The following RET variants were observed in gnomAD, a reference collection of about 807,000 sequenced individuals.
The protein encoded by RET is proto-oncogene tyrosine-protein kinase receptor Ret.
Under a neutral mutation model 118.3 loss-of-function variants are expected in RET, and 19 were observed. The ratio of observed to expected loss-of-function variants is 0.16; its 90% CI spans 0.11 to 0.24. The LOEUF (loss-of-function observed/expected upper bound fraction) is 0.24, where lower values mean the gene tolerates loss of function less well. Ranked by LOEUF, RET falls within the 10% of genes least tolerant of loss-of-function variation. The probability of loss-of-function intolerance (pLI) is 1.00; values close to 1 mark genes in which losing one functional copy is unlikely to be tolerated. For missense variants in RET, 1,219 were observed against 1,502.1 expected (o/e 0.81, Z 3.12); for synonymous variants, 597 against 644.1 (o/e 0.93, Z 1.11).
chr10:43,087,347 G>A (rs1176487074), intron 1 of RET, among the ~76,000 whole-genome samples: 1 of 152,240 alleles, frequency 6.6e-6, no homozygotes, highest in Admixed American at 6.5e-5. Context: ...CATTTTGGAA[G>A]AACCAATTCT....
chr10:43,093,317 G>A (rs186038070), intron 1 of RET, among the ~76,000 whole-genome samples: 56 of 152,258 alleles, frequency 3.7e-4, no homozygotes, highest in African/African-American at 1.2e-3. Flanking sequence ...GGTGGCAGAG[G>A]GGACTTGGGA....
chr10:43,113,674 G>A lies in RET; in HGVS notation c.1878G>A (p.Gln626=), dbSNP rs147692872. The A allele has an allele frequency of 9.5e-5, 154 of 1,612,932 alleles. No individual in the cohort carries two copies. Among genetic ancestry groups the A allele is most frequent in the Non-Finnish European group, 1.3e-4 (151 of 1,179,856 alleles). Residue 626 remains glutamine (Q), a splice_region_variant and synonymous_variant, in exon 10 of 20, where the codon CAG becomes CAA. Coordinates refer to ENST00000355710, the MANE Select transcript of RET (RefSeq NM_020975.6). ...GCTTCTGCGAGCCCGAAGACATCCA[G>A]GGTGAGTGGGTGGCGGCCGGGACCA... ...EKCFCEPEDI[Q]DPLCDELCRT...
intron 1 of RET, among the ~76,000 whole-genome samples, chr10:43,091,115 T>G (rs1837401219): frequency 6.6e-6 from 1 of 151,994 alleles, no homozygotes; most frequent in African/African-American, 2.4e-5. Context: ...GGGATCCCCC[T>G]ATAAAAACCA....
intron 11 of RET, among the ~76,000 whole-genome samples, chr10:43,116,242 G>A (rs771093144): frequency 6.6e-6 from 1 of 152,190 alleles, no homozygotes; most frequent in Non-Finnish European, 1.5e-5. Flanking sequence ...AGTTGTCCTG[G>A]ACACTTCCAC....
intron 10 of RET, 146 bp downstream of exon 10, chr10:43,113,821 C>T (rs889841799): frequency 1.6e-6 from 2 of 1,235,956 alleles, no homozygotes; most frequent in South Asian, 1.4e-5. Flanking sequence ...GCCTCTGTTA[C>T]TCCACCCAGG....
intron 18 of RET, 96 bp from the exon 19 acceptor site, chr10:43,126,479 A>G (rs1838330677): frequency 8.9e-7 from 1 of 1,118,284 alleles, no homozygotes; most frequent in East Asian, 2.3e-5. Context: ...GTGGAGACAC[A>G]GCCAGAGCCT....
chr10:43,079,805 G>C (rs995261602), intron 1 of RET, among the ~76,000 whole-genome samples: 14 of 152,178 alleles, frequency 9.2e-5, no homozygotes, highest in African/African-American at 3.4e-4. Context: ...ACCCCTGCCT[G>C]AAGCACCAGG....
intron 16 of RET, among the ~76,000 whole-genome samples, chr10:43,123,051 C>T (rs1838253171): frequency 6.6e-6 from 1 of 152,230 alleles, no homozygotes; most frequent in Admixed American, 6.5e-5. Context: ...CCACACCGCC[C>T]AGTGACCTCT....
At chr10:43,107,074 G>A (rs1837798007) in intron 5 of RET, among the ~76,000 whole-genome samples, 1 of 152,220 alleles carries the variant, frequency 6.6e-6, no homozygotes, top group Non-Finnish European at 1.5e-5. Flanking sequence ...CTGCTTGCAG[G>A]GCACCTTTCA....
chr10:43,123,707 C>T lies in RET; in HGVS notation c.2838C>T (p.Thr946=). ...SFGVLLWEIV[T]LGGNPYPGIP... ...GTGTCCTGCTGTGGGAGATCGTGACCCTAGGGGGAAACCCCTATCCTGGGA... is the reference window on the plus strand; with the variant it reads ...GTGTCCTGCTGTGGGAGATCGTGACTCTAGGGGGAAACCCCTATCCTGGGA... The change falls in exon 17 of 20, where the codon ACC becomes ACT. Residue 946 remains threonine (T), a synonymous_variant. Coordinates refer to ENST00000355710, the MANE Select transcript of RET (RefSeq NM_020975.6). 6.2e-7 allele frequency: 1 copy of T among 1,614,158 alleles called. No individual in the cohort carries two copies. Among genetic ancestry groups the T allele is most frequent in the South Asian group, 1.1e-5 (1 of 91,086 alleles).
chr10:43,129,020 G>A lies in RET; in HGVS notation c.*751G>A. ...GCTCACAAGACACATTTGTCCCCCG[G>A]GCCCACCACATCATCCTCACGTGTT... On this transcript the variant is annotated 3_prime_UTR_variant, in exon 20 of 20. Transcript: ENST00000355710. 4.2e-6 allele frequency: 1 copy of A among 235,770 alleles called. No homozygotes were observed. The allele number at this position is 235,770 out of a possible 1,614,324, so 14.6% of individuals were successfully genotyped here. A position where few individuals can be genotyped will look rare whatever the true frequency, so the allele number is the denominator to read the frequency against.
At position 43,114,685 on chromosome 10, in the gene RET, C is replaced by A; in HGVS notation, c.2085C>A (p.Pro695=). 1 of 1,612,470 alleles carries A rather than the reference C, an allele frequency of 6.2e-7. No homozygotes were observed. Residue 695 remains proline, a synonymous_variant, in exon 11 of 20, where the codon CCC becomes CCA. Transcript: ENST00000355710. This position sits in a 1 kb window ranked among gnomAD's most constrained non-coding sequence, Gnocchi z 4.6. ...ACTCCTCTTCCGGTGCCCGCCGGCC[C>A]TCGCTGGACTCCATGGAGAACCAGG... ...VSYSSSGARR[P]SLDSMENQVS...
At chr10:43,099,181 C>A (rs1166514328) in intron 1 of RET, among the ~76,000 whole-genome samples, 2 of 152,092 alleles carry the variant, frequency 1.3e-5, no homozygotes, top group Non-Finnish European at 2.9e-5. Flanking sequence ...TCCACAGCGC[C>A]TTCAGTGATT....
chr10:43,116,783 G>A (rs1314150785), intron 12 of RET, 52 bp downstream of exon 12: 6 of 1,100,130 alleles, frequency 5.5e-6, no homozygotes, highest in Admixed American at 1.8e-5. Flanking sequence ...CGGGGCGGGG[G>A]GCGGGTGAGG....
At chr10:43,100,373 A>C (rs1334369070) in intron 1 of RET, 86 bp from the exon 2 acceptor site, 21 of 1,508,950 alleles carry the variant, frequency 1.4e-5, no homozygotes, top group Non-Finnish European at 1.8e-5. Context: ...CTAAGATCGG[A>C]ATTTTAAATT....
intron 1 of RET, among the ~76,000 whole-genome samples, chr10:43,098,303 C>T (rs1331659176): frequency 6.6e-6 from 1 of 152,086 alleles, no homozygotes; most frequent in Non-Finnish European, 1.5e-5. Context: ...TTTGACTACT[C>T]TAGGGATCTC....
chr10:43,116,542 C>G, intron 11 of RET, 42 bp from the exon 12 acceptor site: 2 of 1,613,112 alleles, frequency 1.2e-6, no homozygotes, highest in Middle Eastern at 1.7e-4. Flanking sequence ...CATCCTCACA[C>G]TTTTCCCCCC....
chr10:43,096,011 A>G (rs1474195510), intron 1 of RET, among the ~76,000 whole-genome samples: 5 of 152,190 alleles, frequency 3.3e-5, no homozygotes, highest in Non-Finnish European at 7.3e-5. Flanking sequence ...GGTGTGTGCC[A>G]GGCCACCGCT....
chr10:43,092,423 C>T (rs150683456), intron 1 of RET, among the ~76,000 whole-genome samples: 49 of 152,264 alleles, frequency 3.2e-4, no homozygotes, highest in Middle Eastern at 3.4e-3. Flanking sequence ...CACTTAATGC[C>T]ACTGAATTGT....
Sources: gnomAD v4.1 joint callset for allele counts (sites outside exome capture counted in the v4.1 genomes callset) on GRCh38, gnomAD v4.1.1 for gene constraint, Gnocchi (gnomAD v3.1) non-coding constraint, MANE v1.5 for transcripts, NCBI Gene and HGNC (gene_info 2026-07-23, HGNC 2026-07-21) for gene names.